ROBO2: variants seen among roughly 807,000 people sequenced by gnomAD.
ROBO2 encodes roundabout homolog 2.
ROBO2 carries 53 observed loss-of-function variants against 160.8 expected under a neutral mutation model. The ratio of observed to expected loss-of-function variants is 0.33; its 90% CI spans 0.26 to 0.41. The LOEUF is 0.41. Among genes scored for constraint, ROBO2 ranks in the 10% least tolerant of loss-of-function variants. The pLI is 1.00. For synonymous variants in ROBO2, 664 were observed against 611.7 expected (o/e 1.09, Z -1.26); for missense variants, 1,577 against 1,722.4 (o/e 0.92, Z 1.49).
At chr3:76,754,378 A>G (rs933278190) in intron 2 of ROBO2, among the ~76,000 whole-genome samples, 1 of 151,922 alleles carries the variant, frequency 6.6e-6, no homozygotes, top group Non-Finnish European at 1.5e-5. Flanking sequence ...ACTGCACCGT[A>G]TACATTACGG....
intron 2 of ROBO2, among the ~76,000 whole-genome samples, chr3:75,979,801 C>T (rs2065228270): frequency 6.6e-6 from 1 of 151,564 alleles, no homozygotes; most frequent in Non-Finnish European, 1.5e-5. Flanking sequence ...TTCTTAATTT[C>T]TTCCAAAGTA....
chr3:76,119,063 G>A (rs1033636589), intron 2 of ROBO2, among the ~76,000 whole-genome samples: 5 of 152,120 alleles, frequency 3.3e-5, no homozygotes, highest in Admixed American at 6.6e-5. Flanking sequence ...GGACATAGCA[G>A]ATACAGAGAA....
chr3:76,891,606 A>T (rs1444433706), intron 2 of ROBO2, among the ~76,000 whole-genome samples: 3 of 152,176 alleles, frequency 2.0e-5, no homozygotes, highest in Non-Finnish European at 4.4e-5. Context: ...AATGACAGAA[A>T]GTCCAGTGGA....
At chr3:77,571,266 T>C (rs1035042420) in intron 13 of ROBO2, among the ~76,000 whole-genome samples, 1 of 152,024 alleles carries the variant, frequency 6.6e-6, no homozygotes, top group Non-Finnish European at 1.5e-5. Flanking sequence ...TATATTGAGT[T>C]GTTATGTTGT....
At chr3:76,973,329 A>G (rs536836197) in intron 2 of ROBO2, among the ~76,000 whole-genome samples, 16 of 152,224 alleles carry the variant, frequency 1.1e-4, no homozygotes, top group Non-Finnish European at 2.2e-4. Flanking sequence ...CCTATTTCTT[A>G]CTTCAGGTTA....
At chr3:76,589,021 T>A (rs565357480) in intron 2 of ROBO2, among the ~76,000 whole-genome samples, 34 of 152,294 alleles carry the variant, frequency 2.2e-4, no homozygotes, top group Middle Eastern at 3.4e-3. Flanking sequence ...AGTTCAAGAC[T>A]AGTTTGGAAA....
intron 2 of ROBO2, among the ~76,000 whole-genome samples, chr3:77,378,042 T>A (rs1173040452): frequency 1.3e-5 from 2 of 152,240 alleles, no homozygotes; most frequent in Non-Finnish European, 2.9e-5. Flanking sequence ...ATCTGTTGAA[T>A]TCTTTAAATG....
chr3:75,946,332 A>G (rs948561177), intron 2 of ROBO2, among the ~76,000 whole-genome samples: 14 of 151,438 alleles, frequency 9.2e-5, no homozygotes, highest in Admixed American at 1.3e-4. Context: ...CATGTAGTCA[A>G]TAAGTCAATA....
rs767988628 is a variant in ROBO2 at position 76,811,775 on chromosome 3, CTCCTTCCTTCCTTCCTTCCT to C, written c.110-286196_110-286177del. Among the ~76,000 whole-genome samples the C allele has an allele frequency of 7.5e-3, 722 of 96,886 alleles. 26 individuals are homozygous for C. Among genetic ancestry groups the C allele is most frequent in the Non-Finnish European group, 0.011 (546 of 47,666 alleles). The allele number at this position is 96,886 out of a possible 152,430, so 63.6% of individuals were successfully genotyped here. ...TGCTTAATTACCTTTCTCTCTTTCC[CTCCTTCCTTCCTTCCTTCCT>C]TCCTTCCTTCCTTCCTTCCTTCCTT... On this transcript the variant is annotated intron_variant, in intron 2 of 26. Transcript: ENST00000487694.
intron 11 of ROBO2, among the ~76,000 whole-genome samples, chr3:77,563,760 C>T (rs559228076): frequency 6.6e-6 from 1 of 152,042 alleles, no homozygotes; most frequent in South Asian, 2.1e-4. Flanking sequence ...TAAAATAATC[C>T]CAATATTTTT....
At position 76,456,559 on chromosome 3, in the gene ROBO2, A is replaced by G. The variant is rs145991217; in HGVS notation, c.109+518957A>G. Among the ~76,000 whole-genome samples the G allele has an allele frequency of 1.8e-4, 28 of 152,326 alleles. No homozygotes were observed. The East Asian group carries it at 5.4e-3, about 29-fold the overall frequency. Reference sequence around the variant, plus strand: ...AGACTGTATCTTTAAGACGGTGGTCAGATTCCATAGTTGCCAGTTGGCATA... The same window carrying G: ...AGACTGTATCTTTAAGACGGTGGTCGGATTCCATAGTTGCCAGTTGGCATA... On this transcript the variant is annotated intron_variant, in intron 2 of 26. Coordinates refer to the ROBO2 transcript ENST00000487694.
At chr3:75,983,856 A>G (rs1236325656) in intron 2 of ROBO2, among the ~76,000 whole-genome samples, 1 of 151,496 alleles carries the variant, frequency 6.6e-6, no homozygotes, top group Non-Finnish European at 1.5e-5. Flanking sequence ...AAGTCTGGAA[A>G]ACACAGACAT....
chr3:76,152,070 G>C (rs2072229634), intron 2 of ROBO2, among the ~76,000 whole-genome samples: 1 of 152,054 alleles, frequency 6.6e-6, no homozygotes, highest in Non-Finnish European at 1.5e-5. Context: ...GCTTTAAAAG[G>C]CCATTTAACT....
chr3:76,072,901 C>G (rs776522771), intron 2 of ROBO2, among the ~76,000 whole-genome samples: 8 of 152,192 alleles, frequency 5.3e-5, no homozygotes, highest in Non-Finnish European at 8.8e-5. Flanking sequence ...ACCTCTGTTT[C>G]CTCATTTGTC....
At chr3:76,149,543 A>ACAT (rs1412887906) in intron 2 of ROBO2, among the ~76,000 whole-genome samples, 2 of 138,174 alleles carry the variant, frequency 1.4e-5, no homozygotes, top group Non-Finnish European at 1.7e-5. Flanking sequence ...TCTAAAGCAC[A>ACAT]CATCTGTCTA....
intron 2 of ROBO2, among the ~76,000 whole-genome samples, chr3:76,880,265 A>G (rs975352885): frequency 3.3e-5 from 5 of 152,200 alleles, no homozygotes; most frequent in African/African-American, 1.2e-4. Flanking sequence ...CTTGGAACAG[A>G]AAATGAACAG....
At chr3:75,916,176 A>T (rs1946801283) in intron 1 of ROBO2, among the ~76,000 whole-genome samples, 1 of 152,184 alleles carries the variant, frequency 6.6e-6, no homozygotes, top group South Asian at 2.1e-4. Flanking sequence ...TGATGCACAG[A>T]ATACAGCACA....
chr3:76,878,348 GAC>G (rs2072990620), intron 2 of ROBO2, among the ~76,000 whole-genome samples: 1 of 152,066 alleles, frequency 6.6e-6, no homozygotes, highest in Non-Finnish European at 1.5e-5. Context: ...ACAAAAAAAT[GAC>G]ACAAGGTGCT....
intron 2 of ROBO2, among the ~76,000 whole-genome samples, chr3:76,401,750 A>G (rs548633076): frequency 2.4e-4 from 36 of 151,600 alleles, no homozygotes; most frequent in African/African-American, 8.2e-4. Flanking sequence ...CAAAAAAAAA[A>G]CTATCATAAA....
Sources: gnomAD v4.1 joint callset for allele counts (sites outside exome capture counted in the v4.1 genomes callset) on GRCh38, gnomAD v4.1.1 for gene constraint, MANE v1.5 for transcripts, NCBI Gene and HGNC (gene_info 2026-07-23, HGNC 2026-07-21) for gene names.